Variants in ABHD12 observed in about 807,000 individuals in gnomAD.
ABHD12 encodes abhydrolase domain containing 12, lysophospholipase, also known as lysophosphatidylserine lipase ABHD12.
Under a neutral mutation model 58.3 loss-of-function variants are expected in ABHD12, and 43 were observed. That is an observed-to-expected ratio of 0.74 (90% CI 0.58 to 0.95). ABHD12 has a LOEUF of 0.95. Among genes scored for constraint, ABHD12 ranks in the 40% least tolerant of loss-of-function variants. ABHD12 has a pLI of 0.00. For missense variants in ABHD12, 539 were observed against 537.2 expected, an observed-to-expected ratio of 1.00 and a Z score of -0.03; for synonymous variants, 219 against 211.2, an observed-to-expected ratio of 1.04 and a Z score of -0.32.
intron 1 of ABHD12, among the ~76,000 whole-genome samples, chr20:25,383,358 C>G (rs1033059939): frequency 2.6e-5 from 4 of 152,190 alleles, no homozygotes; most frequent in Non-Finnish European, 5.9e-5. Context: ...GCCCACTGAT[C>G]TCTGTCAATC....
At chr20:25,337,535 T>A (rs1424725511) in intron 2 of ABHD12, among the ~76,000 whole-genome samples, 2 of 152,184 alleles carry the variant, frequency 1.3e-5, no homozygotes, top group East Asian at 3.9e-4. Context: ...ACAATCAAGC[T>A]AAAGAAAATC....
intron 1 of ABHD12, among the ~76,000 whole-genome samples, chr20:25,380,753 T>G (rs1437220003): frequency 6.6e-6 from 1 of 152,196 alleles, no homozygotes; most frequent in Non-Finnish European, 1.5e-5. Context: ...CTGACTTGTC[T>G]GCTGGGAGAG....
At chr20:25,390,477 G>GGGGGGCC in intron 1 of ABHD12, 36 bp downstream of exon 1, 3 of 98,480 alleles carry the variant, frequency 3.0e-5, no homozygotes, top group Non-Finnish European at 4.0e-5. Flanking sequence ...TGAGGGACCG[G>GGGGGGCC]CCCCCCCCCC....
intron 1 of ABHD12, among the ~76,000 whole-genome samples, chr20:25,386,425 A>AT (rs961187624): frequency 2.0e-5 from 3 of 150,726 alleles, no homozygotes; most frequent in Non-Finnish European, 3.0e-5. Context: ...CGCCTGGCTA[A>AT]TTTTTTTTGT....
At position 25,390,729 on chromosome 20, in the gene ABHD12, G is replaced by A. The variant is rs1371210427; in HGVS notation, c.-26C>T. On this transcript the variant is annotated 5_prime_UTR_variant, in exon 1 of 13. Coordinates refer to ENST00000339157, the MANE Select transcript of ABHD12 (RefSeq NM_001042472.3). The stretch of plus-strand genomic sequence containing the variant: ...CCCGCGGCCGACAGGGCCAGCCGCC[G>A]ACGGCGCCCGCTGGCCTGCGCCGCA... 6.6e-6 allele frequency: 8 copies of A among 1,219,620 alleles called. No homozygotes were observed. The highest frequency in any genetic ancestry group is 2.1e-6 in the Non-Finnish European group (2 of 962,246). 75.5% of individuals were successfully genotyped at this position (1,219,620 alleles called of 1,614,324 possible).
At chr20:25,385,526 T>G (rs1230367651) in intron 1 of ABHD12, among the ~76,000 whole-genome samples, 3 of 151,896 alleles carry the variant, frequency 2.0e-5, no homozygotes, top group Non-Finnish European at 4.4e-5. Context: ...TAGAAGACAC[T>G]GTAGTAGTTA....
At chr20:25,358,839 T>G (rs951701915) in intron 1 of ABHD12, among the ~76,000 whole-genome samples, 1 of 152,132 alleles carries the variant, frequency 6.6e-6, no homozygotes, top group African/African-American at 2.4e-5. Flanking sequence ...GGAGGTGCTA[T>G]GTAGTCATTC....
intron 1 of ABHD12, among the ~76,000 whole-genome samples, chr20:25,377,035 T>C (rs2089970180): frequency 6.6e-6 from 1 of 152,218 alleles, no homozygotes. Flanking sequence ...GGCGACCTCA[T>C]ACCTGGAGAT....
chr20:25,329,538 C>A (rs1029112627), intron 2 of ABHD12, among the ~76,000 whole-genome samples: 1 of 152,170 alleles, frequency 6.6e-6, no homozygotes, highest in African/African-American at 2.4e-5. Flanking sequence ...ACATGGGTGC[C>A]GTGGAGGGTG....
intron 4 of ABHD12, among the ~76,000 whole-genome samples, chr20:25,318,373 A>G (rs1467818744): frequency 6.6e-6 from 1 of 152,192 alleles, no homozygotes; most frequent in Non-Finnish European, 1.5e-5. Flanking sequence ...ACACTGCAAA[A>G]TATTTTCAGT....
intron 6 of ABHD12, among the ~76,000 whole-genome samples, chr20:25,311,003 T>C (rs2088839877): frequency 1.3e-5 from 2 of 152,174 alleles, no homozygotes; most frequent in South Asian, 4.1e-4. Flanking sequence ...AGAACCAGTG[T>C]CAACATGGAG....
chr20:25,319,328 C>A (rs2089022627), intron 4 of ABHD12, among the ~76,000 whole-genome samples: 1 of 152,212 alleles, frequency 6.6e-6, no homozygotes, highest in South Asian at 2.1e-4. Context: ...GCCATTAGAC[C>A]CACTCAGGAA....
downstream of ABHD12, chr20:25,296,424 T>C: frequency 6.2e-7 from 1 of 1,614,070 alleles, no homozygotes; most frequent in Non-Finnish European, 8.5e-7. Flanking sequence ...CTCGGGCAAG[T>C]TCTCCAGTGA....
intron 2 of ABHD12, among the ~76,000 whole-genome samples, chr20:25,324,923 A>G (rs1300503660): frequency 6.6e-6 from 1 of 152,172 alleles, no homozygotes; most frequent in Non-Finnish European, 1.5e-5. Flanking sequence ...CAGGCTGCAC[A>G]GTCTCTGAGG....
chr20:25,364,574 C>T (rs2089794746), intron 1 of ABHD12, among the ~76,000 whole-genome samples: 1 of 152,208 alleles, frequency 6.6e-6, no homozygotes. Flanking sequence ...CCAGACACCT[C>T]CTACCTCCTG....
chr20:25,340,012 T>C (rs1243002153), intron 1 of ABHD12, among the ~76,000 whole-genome samples: 1 of 152,214 alleles, frequency 6.6e-6, no homozygotes, highest in African/African-American at 2.4e-5. Context: ...CTTATCTTGT[T>C]CCCAAACCCC....
chr20:25,296,299 C>G, downstream of ABHD12: 4 of 1,572,146 alleles, frequency 2.5e-6, no homozygotes, highest in Non-Finnish European at 3.5e-6. Context: ...TCCTAAAGTT[C>G]TGGAATCCCA....
chr20:25,303,420 T>A (rs1269123648), intron 11 of ABHD12, 130 bp downstream of exon 11: 1 of 1,530,136 alleles, frequency 6.5e-7, no homozygotes. Context: ...GAGCCTGACG[T>A]GGCTGGTGCG....
intron 2 of ABHD12, among the ~76,000 whole-genome samples, chr20:25,324,008 G>C (rs1193747108): frequency 6.6e-6 from 1 of 152,204 alleles, no homozygotes; most frequent in African/African-American, 2.4e-5. Context: ...GTGAGGTGTG[G>C]GGCAGCGAGG....
Sources: allele counts gnomAD v4.1 joint callset (sites outside exome capture counted in the v4.1 genomes callset), GRCh38; gene constraint gnomAD v4.1.1; transcripts MANE v1.5; gene names NCBI Gene and HGNC (gene_info 2026-07-23, HGNC 2026-07-21).